The following PDGFD variants were observed in gnomAD, a reference collection of about 807,000 sequenced individuals.
PDGFD encodes platelet derived growth factor D, also known as platelet-derived growth factor D.
A neutral mutation model predicts 44.7 loss-of-function variants in PDGFD; 30 were observed. That is an observed-to-expected ratio of 0.67 (90% CI 0.50 to 0.91). The LOEUF (loss-of-function observed/expected upper bound fraction) is 0.91, where lower values mean the gene tolerates loss of function less well. Ranked by LOEUF, PDGFD falls within the 40% of genes least tolerant of loss-of-function variation. The pLI is 0.00. For synonymous variants in PDGFD, 173 were observed against 168.4 expected (o/e 1.03, Z -0.21); for missense variants, 445 against 457.8 (o/e 0.97, Z 0.25).
Position 103,943,495 on chromosome 11 carries a change from G to A in PDGFD, c.729C>T (p.Thr243=). 2 of 1,613,014 alleles carry A rather than the reference G, an allele frequency of 1.2e-6. No individual in the cohort carries two copies. The highest frequency in any genetic ancestry group is 1.7e-6 in the Non-Finnish European group (2 of 1,179,532). ...QEDLENMYLD[T]PRYRGRSYHD... ...GGTATGACCTGCCTCGATACCGAGG[G>A]GTGTCCAGATACATATTCTCAAGAT... The change falls in exon 5 of 7, where the codon ACC becomes ACT. Residue 243 remains threonine, a synonymous_variant. Coordinates refer to ENST00000393158, the MANE Select transcript of PDGFD (RefSeq NM_025208.5).
rs1020396440 is a variant in PDGFD, at chr11:103,907,283, C to A, written c.*2411G>T. On this transcript the variant is annotated 3_prime_UTR_variant, in exon 7 of 7. Coordinates refer to ENST00000393158, the MANE Select transcript of PDGFD (RefSeq NM_025208.5). ...ATGAGAGGAAAAAGCTGCATGTTACCGATATGACAAAAAACATAAAAAACT... is the reference window on the plus strand; with the variant it reads ...ATGAGAGGAAAAAGCTGCATGTTACAGATATGACAAAAAACATAAAAAACT... 2.0e-5 allele frequency: 3 copies of A among 151,964 alleles called. No individual in the cohort carries two copies. The highest frequency in any genetic ancestry group is 7.3e-5 in the African/African-American group (3 of 41,356). The allele number at this position is 151,964 out of a possible 1,614,324, so 9.4% of individuals were successfully genotyped here.
chr11:104,080,274 A>G (rs1009581103), intron 1 of PDGFD, among the ~76,000 whole-genome samples: 1 of 152,232 alleles, frequency 6.6e-6, no homozygotes, highest in Non-Finnish European at 1.5e-5. Context: ...CAACAGGTGA[A>G]TAATATGTTA....
intron 1 of PDGFD, among the ~76,000 whole-genome samples, chr11:104,096,448 T>C (rs895772344): frequency 2.0e-5 from 3 of 152,184 alleles, no homozygotes; most frequent in African/African-American, 7.2e-5. Context: ...GATTTCATCC[T>C]AGAAGGAAGA....
At chr11:103,984,351 C>T (rs1394758253) in intron 3 of PDGFD, among the ~76,000 whole-genome samples, 1 of 150,270 alleles carries the variant, frequency 6.7e-6, no homozygotes, top group African/African-American at 2.5e-5. Context: ...AAAGTGGGAA[C>T]TAAATGATGA....
intron 1 of PDGFD, among the ~76,000 whole-genome samples, chr11:104,054,573 C>T (rs1435977064): frequency 6.6e-6 from 1 of 152,158 alleles, no homozygotes; most frequent in East Asian, 1.9e-4. Context: ...AGCATCACGT[C>T]GGCAAAGCCT....
intron 1 of PDGFD, among the ~76,000 whole-genome samples, chr11:104,008,509 G>A (rs1158493472): frequency 6.6e-6 from 1 of 152,014 alleles, no homozygotes; most frequent in Admixed American, 6.6e-5. Context: ...AGTGTCCCAG[G>A]CACATAATTA....
At chr11:104,035,904 G>A (rs1860224533) in intron 1 of PDGFD, among the ~76,000 whole-genome samples, 2 of 152,086 alleles carry the variant, frequency 1.3e-5, no homozygotes, top group African/African-American at 4.8e-5. Flanking sequence ...ACTAAAGGCA[G>A]TACCCTGAAC....
intron 3 of PDGFD, among the ~76,000 whole-genome samples, chr11:103,974,223 A>G (rs1859148428): frequency 6.6e-6 from 1 of 152,158 alleles, no homozygotes; most frequent in Non-Finnish European, 1.5e-5. Context: ...ATGGGAAGAG[A>G]AGAGACAATG....
intron 1 of PDGFD, chr11:104,037,433 A>C (rs1565317284): frequency 6.2e-7 from 1 of 1,614,084 alleles, no homozygotes; most frequent in Admixed American, 1.7e-5. Flanking sequence ...TACACAGCCG[A>C]CCCACTGGAT....
At chr11:104,095,433 G>A (rs1861270799) in intron 1 of PDGFD, among the ~76,000 whole-genome samples, 1 of 151,946 alleles carries the variant, frequency 6.6e-6, no homozygotes, top group Admixed American at 6.6e-5. Flanking sequence ...CCCTAATCTG[G>A]GTTCCATAAG....
intron 1 of PDGFD, among the ~76,000 whole-genome samples, chr11:104,113,365 T>G (rs1399621655): frequency 6.6e-6 from 1 of 152,022 alleles, no homozygotes; most frequent in African/African-American, 2.4e-5. Flanking sequence ...AAAAAACATA[T>G]AGTCTAATAA....
intron 3 of PDGFD, among the ~76,000 whole-genome samples, chr11:103,992,138 G>GC (rs1565304807): frequency 2.6e-5 from 4 of 152,140 alleles, no homozygotes; most frequent in Admixed American, 6.5e-5. Flanking sequence ...GCTTTCTGAA[G>GC]GTATCTGTTA....
intron 1 of PDGFD, among the ~76,000 whole-genome samples, chr11:104,106,011 A>G (rs1192148112): frequency 6.6e-6 from 1 of 152,154 alleles, no homozygotes; most frequent in Non-Finnish European, 1.5e-5. Context: ...TGTTTACAAA[A>G]GAGTTACTTT....
intron 1 of PDGFD, among the ~76,000 whole-genome samples, chr11:104,052,305 T>C (rs946462663): frequency 6.6e-6 from 1 of 152,080 alleles, no homozygotes; most frequent in African/African-American, 2.4e-5. Context: ...TAAAACCCAG[T>C]AGAAATCCAG....
intron 6 of PDGFD, among the ~76,000 whole-genome samples, chr11:103,910,908 A>T (rs527851942): frequency 2.0e-5 from 3 of 152,144 alleles, no homozygotes; most frequent in Admixed American, 2.0e-4. Context: ...GGCGTCTGCC[A>T]TTGCTGAGGC....
chr11:104,033,912 A>G (rs745955019), intron 1 of PDGFD, among the ~76,000 whole-genome samples: 13 of 152,214 alleles, frequency 8.5e-5, no homozygotes, highest in Non-Finnish European at 4.4e-5. Context: ...TCAAAGGGTC[A>G]TTCATTCATC....
At chr11:104,027,151 G>C (rs972653895) in intron 1 of PDGFD, among the ~76,000 whole-genome samples, 12 of 152,148 alleles carry the variant, frequency 7.9e-5, no homozygotes, top group African/African-American at 2.4e-4. Context: ...CATATGCAAT[G>C]AAAGGATGTA....
intron 2 of PDGFD, among the ~76,000 whole-genome samples, chr11:103,997,823 G>A (rs904991925): frequency 2.0e-5 from 3 of 152,150 alleles, no homozygotes; most frequent in African/African-American, 7.2e-5. Flanking sequence ...CTCTGAACCT[G>A]AAGTCAAGAG....
intron 5 of PDGFD, among the ~76,000 whole-genome samples, chr11:103,937,808 G>C (rs1417924927): frequency 3.4e-5 from 5 of 149,036 alleles, no homozygotes; most frequent in Admixed American, 2.7e-4. Flanking sequence ...GCGGTGTTTG[G>C]TTTTTTGTCC....
Sources: allele counts gnomAD v4.1 joint callset (sites outside exome capture counted in the v4.1 genomes callset), GRCh38; gene constraint gnomAD v4.1.1; transcripts MANE v1.5; gene names NCBI Gene and HGNC (gene_info 2026-07-23, HGNC 2026-07-21).